Variants in JAK1 observed in about 807,000 individuals in gnomAD.
The protein encoded by JAK1 is Janus kinase 1, also known as tyrosine-protein kinase JAK1.
JAK1 carries 16 observed loss-of-function variants against 136.6 expected under a neutral mutation model. The observed-to-expected ratio is 0.12, with a 90% confidence interval of 0.08 to 0.18. The LOEUF is 0.18. Ranked by LOEUF, JAK1 falls within the 10% of genes least tolerant of loss-of-function variation. The probability of loss-of-function intolerance (pLI) is 1.00; values close to 1 mark genes in which losing one functional copy is unlikely to be tolerated. For missense variants in JAK1, 859 were observed against 1,450.1 expected (o/e 0.59, Z 6.62); for synonymous variants, 492 against 519.5 (o/e 0.95, Z 0.72).
chr1:65,005,902 T>G (rs562803557), intron 2 of JAK1, among the ~76,000 whole-genome samples: 6 of 152,216 alleles, frequency 3.9e-5, no homozygotes, highest in Non-Finnish European at 7.4e-5. Flanking sequence ...GAAGAATAAG[T>G]TGCCATTCCA....
chr1:65,053,049 A>T, intron 1 of JAK1, among the ~76,000 whole-genome samples: 1 of 138,420 alleles, frequency 7.2e-6, no homozygotes, highest in East Asian at 2.1e-4. Flanking sequence ...AAAAAAAAAA[A>T]AAAAAAAGAC....
intron 17 of JAK1, 146 bp downstream of exon 17, chr1:64,843,918 T>G: frequency 7.5e-6 from 6 of 801,110 alleles, no homozygotes; most frequent in Admixed American, 2.7e-5. Context: ...GTTACATTTG[T>G]GAGGTCACAC....
intron 2 of JAK1, among the ~76,000 whole-genome samples, chr1:65,025,337 A>T (rs1646969414): frequency 6.6e-6 from 1 of 152,146 alleles, no homozygotes; most frequent in African/African-American, 2.4e-5. Flanking sequence ...TCCAGAGAGA[A>T]ATTAGAATAC....
chr1:64,867,418 C>A (rs763810711), intron 6 of JAK1, among the ~76,000 whole-genome samples: 7 of 152,216 alleles, frequency 4.6e-5, no homozygotes, highest in Non-Finnish European at 7.3e-5. Flanking sequence ...AAAGCACATG[C>A]TCCACAGATT....
chr1:65,021,961 G>A (rs990897249), intron 2 of JAK1, among the ~76,000 whole-genome samples: 1 of 152,182 alleles, frequency 6.6e-6, no homozygotes, highest in African/African-American at 2.4e-5. Context: ...TCTTATCACT[G>A]TAACAGGTGG....
chr1:64,966,078 C>A (rs1166534666), intron 1 of JAK1, among the ~76,000 whole-genome samples: 1 of 151,952 alleles, frequency 6.6e-6, no homozygotes, highest in African/African-American at 2.4e-5. Flanking sequence ...GGCGGCCTGG[C>A]TTAACCGCTC....
At chr1:64,860,602 T>C (rs1290489205) in intron 8 of JAK1, among the ~76,000 whole-genome samples, 1 of 151,872 alleles carries the variant, frequency 6.6e-6, no homozygotes, top group Admixed American at 6.6e-5. Context: ...TACAGGCACC[T>C]GCCATCACAC....
chr1:64,847,433 T>C, intron 13 of JAK1, 99 bp downstream of exon 13: 1 of 1,435,206 alleles, frequency 7.0e-7, no homozygotes, highest in Non-Finnish European at 9.6e-7. Context: ...TGAAAACCAC[T>C]GGGCCACAAG....
upstream of JAK1, among the ~76,000 whole-genome samples, chr1:64,969,427 C>G (rs1440366756): frequency 1.3e-5 from 2 of 151,422 alleles, no homozygotes; most frequent in African/African-American, 4.9e-5. Context: ...CCCCACCCTC[C>G]TCCTTTCCCA....
At chr1:65,015,193 A>C (rs1646883124) in intron 2 of JAK1, among the ~76,000 whole-genome samples, 1 of 152,210 alleles carries the variant, frequency 6.6e-6, no homozygotes. Context: ...GAGTAAAGAG[A>C]GTGGTAAATA....
At chr1:64,860,694 T>A (rs12406400) in intron 8 of JAK1, among the ~76,000 whole-genome samples, 22,721 of 151,816 alleles carry the variant, frequency 0.15, 1,797 homozygotes, top group East Asian at 0.31. Context: ...CCTCGAGTGA[T>A]CTCCCACCTT....
intron 2 of JAK1, among the ~76,000 whole-genome samples, chr1:64,981,910 A>C (rs77719645): frequency 0.045 from 6,836 of 152,284 alleles, 359 homozygotes; most frequent in East Asian, 0.27. Context: ...TAAGAAGAGC[A>C]CTTATCCACT....
intron 2 of JAK1, among the ~76,000 whole-genome samples, chr1:64,885,698 G>A (rs543248605): frequency 3.4e-5 from 5 of 148,676 alleles, no homozygotes; most frequent in East Asian, 4.0e-4. Flanking sequence ...AGGTTGCCGC[G>A]AGCCGAGATC....
chr1:64,937,538 A>AT (rs1645811411), intron 1 of JAK1, among the ~76,000 whole-genome samples: 1 of 152,226 alleles, frequency 6.6e-6, no homozygotes, highest in African/African-American at 2.4e-5. Flanking sequence ...TTAAACTTCA[A>AT]TTATACAACA....
intron 1 of JAK1, among the ~76,000 whole-genome samples, chr1:65,055,494 C>G (rs1047272912): frequency 7.9e-5 from 12 of 152,202 alleles, no homozygotes; most frequent in Non-Finnish European, 1.6e-4. Flanking sequence ...CCGCCTTTCA[C>G]ATCTTTTGGG....
At chr1:64,877,360 G>C (rs1022201551) in intron 4 of JAK1, among the ~76,000 whole-genome samples, 5 of 151,962 alleles carry the variant, frequency 3.3e-5, no homozygotes, top group Admixed American at 2.0e-4. Context: ...AGGGCCTGTG[G>C]TAACAAAGCA....
chr1:65,018,487 A>AACACAC (rs556710090), intron 2 of JAK1, among the ~76,000 whole-genome samples: 6 of 96,052 alleles, frequency 6.2e-5, no homozygotes, highest in Admixed American at 5.3e-4. Context: ...AGAGAGAGAG[A>AACACAC]ACACACACAC....
chr1:64,996,441 C>T (rs1224470250), intron 2 of JAK1, among the ~76,000 whole-genome samples: 2 of 152,010 alleles, frequency 1.3e-5, no homozygotes, highest in South Asian at 2.1e-4. Context: ...TGATATTTCC[C>T]GAATTAAAAA....
chr1:64,943,925 G>GA (rs199662745), intron 1 of JAK1, among the ~76,000 whole-genome samples: 8 of 148,178 alleles, frequency 5.4e-5, no homozygotes, highest in Admixed American at 1.3e-4. Context: ...TCTCAAACTT[G>GA]AAAAAAAAAA....
Sources: gnomAD v4.1 joint callset for allele counts (sites outside exome capture counted in the v4.1 genomes callset) on GRCh38, gnomAD v4.1.1 for gene constraint, MANE v1.5 for transcripts, NCBI Gene and HGNC (gene_info 2026-07-23, HGNC 2026-07-21) for gene names.